The following ARHGAP6 variants were observed in gnomAD, a reference collection of about 807,000 sequenced individuals.
ARHGAP6 encodes rho GTPase-activating protein 6.
Under a neutral mutation model 55.7 loss-of-function variants are expected in ARHGAP6, and 16 were observed. That is an observed-to-expected ratio of 0.29 (90% CI 0.19 to 0.44). ARHGAP6 has a LOEUF of 0.44. ARHGAP6 is among the 20% of genes least tolerant of loss of function. ARHGAP6 has a pLI of 1.00. For synonymous variants in ARHGAP6, 382 were observed against 360.9 expected, an observed-to-expected ratio of 1.06 and a Z score of -0.66; for missense variants, 698 against 808.9, an observed-to-expected ratio of 0.86 and a Z score of 1.66.
At chrX:11,643,908 C>G (rs1345004768) in intron 1 of ARHGAP6, among the ~76,000 whole-genome samples, 3 of 110,974 alleles carry the variant, frequency 2.7e-5, no homozygotes, top group Non-Finnish European at 3.8e-5. Context: ...AACATGCTAG[C>G]TGACCGCATA....
intron 1 of ARHGAP6, among the ~76,000 whole-genome samples, chrX:11,457,153 A>G (rs1246806795): frequency 8.9e-6 from 1 of 112,119 alleles, no homozygotes; most frequent in Non-Finnish European, 1.9e-5. Context: ...TTTCAAGCGA[A>G]TGAGTCATTC....
intron 2 of ARHGAP6, among the ~76,000 whole-genome samples, chrX:11,209,424 T>A (rs1647624971): frequency 8.9e-6 from 1 of 112,093 alleles, no homozygotes; most frequent in Admixed American, 9.4e-5. Context: ...GGATTACAGG[T>A]GTGAGCCACT....
intron 9 of ARHGAP6, among the ~76,000 whole-genome samples, chrX:11,166,829 T>TAAC (rs199910864): frequency 0.035 from 3,867 of 111,620 alleles, 177 homozygotes; most frequent in African/African-American, 0.12. Flanking sequence ...AGCCAATATA[T>TAAC]AACAGGGACA....
At chrX:11,316,917 A>T (rs907891737) in intron 1 of ARHGAP6, among the ~76,000 whole-genome samples, 1 of 112,680 alleles carries the variant, frequency 8.9e-6, no homozygotes, top group African/African-American at 3.2e-5. Context: ...GCTGAATAGT[A>T]ATGATGCCTG....
At chrX:11,507,834 A>T (rs184186832) in intron 1 of ARHGAP6, among the ~76,000 whole-genome samples, 1 of 112,163 alleles carries the variant, frequency 8.9e-6, no homozygotes, top group African/African-American at 3.2e-5. Flanking sequence ...CCCTTATTAT[A>T]GAGTAGAACT....
chrX:11,406,729 C>T (rs909249828), intron 1 of ARHGAP6, among the ~76,000 whole-genome samples: 2 of 111,629 alleles, frequency 1.8e-5, no homozygotes, highest in African/African-American at 3.3e-5. Context: ...AAGGCCAGAC[C>T]GTGTTCACGT....
intron 1 of ARHGAP6, among the ~76,000 whole-genome samples, chrX:11,340,981 C>T (rs924306594): frequency 1.8e-4 from 18 of 100,509 alleles, no homozygotes; most frequent in African/African-American, 6.3e-4. Flanking sequence ...TAATACAGTT[C>T]CAACAGATCA....
At chrX:11,202,799 C>CAAAAAAAAAAAAAAAAA (rs776633959) in intron 2 of ARHGAP6, among the ~76,000 whole-genome samples, 2 of 9,453 alleles carry the variant, frequency 2.1e-4, no homozygotes, top group African/African-American at 8.7e-4. Context: ...GACTCCGTCT[C>CAAAAAAAAAAAAAAAAA]AAAAAAAAAA....
intron 1 of ARHGAP6, among the ~76,000 whole-genome samples, chrX:11,471,755 T>C (rs2050349054): frequency 8.9e-6 from 1 of 111,794 alleles, no homozygotes; most frequent in East Asian, 2.8e-4. Context: ...GGAATCATCC[T>C]TGGGGGAAGG....
chrX:11,386,247 A>C (rs1729538791), intron 1 of ARHGAP6, among the ~76,000 whole-genome samples: 1 of 113,171 alleles, frequency 8.8e-6, no homozygotes, highest in African/African-American at 3.2e-5. Flanking sequence ...AATGTGACGT[A>C]AGTTTTAGCA....
At chrX:11,359,856 C>T (rs1350949935) in intron 1 of ARHGAP6, among the ~76,000 whole-genome samples, 1 of 111,936 alleles carries the variant, frequency 8.9e-6, no homozygotes, top group Non-Finnish European at 1.9e-5. Flanking sequence ...TACAAACTAC[C>T]ATCAGAGAAT....
At chrX:11,175,488 C>A (rs1454067860) in intron 8 of ARHGAP6, among the ~76,000 whole-genome samples, 1 of 111,977 alleles carries the variant, frequency 8.9e-6, no homozygotes, top group Non-Finnish European at 1.9e-5. Context: ...TAAACTAGGT[C>A]TCTCAACCAC....
intron 1 of ARHGAP6, among the ~76,000 whole-genome samples, chrX:11,338,654 C>G (rs896962922): frequency 8.9e-6 from 1 of 112,308 alleles, no homozygotes; most frequent in Non-Finnish European, 1.9e-5. Flanking sequence ...CCAATATCTT[C>G]TCACTTTGTC....
intron 1 of ARHGAP6, among the ~76,000 whole-genome samples, chrX:11,517,787 G>A (rs1351424301): frequency 9.1e-6 from 1 of 110,314 alleles, no homozygotes; most frequent in Non-Finnish European, 1.9e-5. Context: ...CGTGGACACA[G>A]GGAGGGGAAC....
chrX:11,416,654 G>A (rs562174939), intron 1 of ARHGAP6, among the ~76,000 whole-genome samples: 2 of 111,096 alleles, frequency 1.8e-5, no homozygotes, highest in South Asian at 7.8e-4. Context: ...TGAAATGGAT[G>A]AATAAAAATG....
chrX:11,638,169 G>T (rs1433068156), intron 1 of ARHGAP6, among the ~76,000 whole-genome samples: 2 of 111,367 alleles, frequency 1.8e-5, no homozygotes, highest in Non-Finnish European at 3.8e-5. Context: ...TGTTCTCAGG[G>T]ATTTAGCATC....
chrX:11,480,553 T>C (rs1194660014), intron 1 of ARHGAP6, among the ~76,000 whole-genome samples: 2 of 112,291 alleles, frequency 1.8e-5, no homozygotes, highest in Non-Finnish European at 3.8e-5. Flanking sequence ...TACACCTCTG[T>C]AAATATACTA....
chrX:11,659,254 A>C (rs1418406103), intron 1 of ARHGAP6, among the ~76,000 whole-genome samples: 1 of 111,578 alleles, frequency 9.0e-6, no homozygotes, highest in Non-Finnish European at 1.9e-5. Context: ...TCTGTCCTCC[A>C]CTTGTTTTAT....
At chrX:11,247,421 A>G (rs916817619) in intron 2 of ARHGAP6, among the ~76,000 whole-genome samples, 1 of 112,520 alleles carries the variant, frequency 8.9e-6, no homozygotes, top group African/African-American at 3.2e-5. Flanking sequence ...AACGTGCTAT[A>G]GTGATTGTGG....
Sources: allele counts gnomAD v4.1 joint callset (sites outside exome capture counted in the v4.1 genomes callset), GRCh38; gene constraint gnomAD v4.1.1; transcripts MANE v1.5; gene names NCBI Gene and HGNC (gene_info 2026-07-23, HGNC 2026-07-21).